Variants in AP1B1 observed in about 807,000 individuals in gnomAD.
AP1B1 encodes the protein AP-1 complex subunit beta-1.
A neutral mutation model predicts 104.3 loss-of-function variants in AP1B1; 36 were observed. That is an observed-to-expected ratio of 0.35 (90% CI 0.26 to 0.46). AP1B1 has a LOEUF of 0.46. Ranked by LOEUF, AP1B1 falls within the 20% of genes least tolerant of loss-of-function variation. The pLI is 1.00. For missense variants in AP1B1, 901 were observed against 1,247.9 expected, an observed-to-expected ratio of 0.72 and a Z score of 4.19; for synonymous variants, 504 against 517.5, an observed-to-expected ratio of 0.97 and a Z score of 0.35.
At chr22:29,365,800 T>C (rs1366872970) in intron 2 of AP1B1, among the ~76,000 whole-genome samples, 1 of 150,546 alleles carries the variant, frequency 6.6e-6, no homozygotes, top group Non-Finnish European at 1.5e-5. Flanking sequence ...ACTCACTCCT[T>C]CCCCTTCCTA....
At chr22:29,343,588 TA>T (rs1010193679) in intron 11 of AP1B1, among the ~76,000 whole-genome samples, 2 of 152,206 alleles carry the variant, frequency 1.3e-5, no homozygotes, top group Admixed American at 6.5e-5. Context: ...CCCCCATCTG[TA>T]AAGGAGAGGT....
chr22:29,346,174 G>A (rs1278195831), intron 11 of AP1B1, among the ~76,000 whole-genome samples: 1 of 152,178 alleles, frequency 6.6e-6, no homozygotes, highest in African/African-American at 2.4e-5. Flanking sequence ...CAACAGGGAG[G>A]AGGAGCTTGG....
intron 5 of AP1B1, 35 bp from the exon 6 acceptor site, chr22:29,356,651 G>A: frequency 6.3e-7 from 1 of 1,599,952 alleles, no homozygotes; most frequent in Non-Finnish European, 8.5e-7. Context: ...GAGGCTGGGG[G>A]TGCTGCTCAC....
chr22:29,334,470 A>G (rs2061608420), intron 16 of AP1B1, 60 bp from the exon 17 acceptor site: 1 of 1,530,804 alleles, frequency 6.5e-7, no homozygotes, highest in African/African-American at 1.4e-5. Context: ...CCCAAACTCA[A>G]CAGCCCACCT....
intron 16 of AP1B1, among the ~76,000 whole-genome samples, chr22:29,337,910 A>C (rs762126741): frequency 7.2e-5 from 11 of 152,302 alleles, no homozygotes; most frequent in Middle Eastern, 6.8e-3. Context: ...ATCTTTCTCA[A>C]GTGCAAATCA....
In AP1B1 at chr22:29,376,272, A is replaced by G. The variant is rs534451316; in HGVS notation, c.-27-9002T>C. Reference sequence around the variant, plus strand: ...GGCCTTTTCTAGTCTCCGGGCAATGATTCATGTCAGAGCAGCCCATGCTCT... The same window carrying G: ...GGCCTTTTCTAGTCTCCGGGCAATGGTTCATGTCAGAGCAGCCCATGCTCT... On this transcript the variant is annotated intron_variant, in intron 1 of 22. Coordinates refer to ENST00000357586, the MANE Select transcript of AP1B1 (RefSeq NM_001127.4). Among the ~76,000 whole-genome samples the G allele has an allele frequency of 1.1e-4, 16 of 152,286 alleles. No homozygotes were observed. The East Asian group carries it at 3.1e-3, about 29-fold the overall frequency.
Position 29,334,211 on chromosome 22 carries a change from G to C in AP1B1, c.2309+54C>G, listed in dbSNP as rs202035163. 5.3e-5 allele frequency: 80 copies of C among 1,515,670 alleles called. 1 individual carries two copies. The highest frequency in any genetic ancestry group is 2.0e-4 in the Admixed American group (9 of 44,728). 93.9% of individuals were successfully genotyped at this position (1,515,670 alleles called of 1,614,324 possible). On this transcript the variant is annotated intron_variant, in intron 17 of 22. Coordinates refer to ENST00000357586, the MANE Select transcript of AP1B1 (RefSeq NM_001127.4). ...CAGTCCCCAGAACAGACTCCGAGTG[G>C]GTTCTCTCACAGGCCTCCTCTTGAG...
At chr22:29,359,537 G>A in intron 4 of AP1B1, 1 of 342,256 alleles carries the variant, frequency 2.9e-6, no homozygotes, top group Non-Finnish European at 5.3e-6. Context: ...GGCACCTGCT[G>A]ATTCCTGCCC....
In AP1B1 at chr22:29,367,273, G is replaced by A. The variant is rs1302149718; in HGVS notation, c.-27-3C>T. 1.3e-6 allele frequency: 2 copies of A among 1,519,742 alleles called. No homozygotes were observed. Among genetic ancestry groups the A allele is most frequent in the African/African-American group, 1.4e-5 (1 of 69,612 alleles). 94.1% of individuals were successfully genotyped at this position (1,519,742 alleles called of 1,614,324 possible). A position where few individuals can be genotyped will look rare whatever the true frequency, so the allele number is the denominator to read the frequency against. ...GTCCCTTATCTGTAGCCAGGCTTCT[G>A]CAAGAGAGAGAAGAGAGGGGTGACT... is the stretch of plus-strand genomic sequence containing the variant. On this transcript the variant is annotated splice_polypyrimidine_tract_variant and splice_region_variant and intron_variant, in intron 1 of 22. Coordinates refer to ENST00000357586, the MANE Select transcript of AP1B1 (RefSeq NM_001127.4).
At chr22:29,369,576 T>A (rs1302852897) in intron 1 of AP1B1, among the ~76,000 whole-genome samples, 1 of 152,234 alleles carries the variant, frequency 6.6e-6, no homozygotes. Context: ...CTAAACTTGC[T>A]GGTCCTCCCA....
At chr22:29,367,568 G>T (rs1342991050) in intron 1 of AP1B1, among the ~76,000 whole-genome samples, 1 of 149,622 alleles carries the variant, frequency 6.7e-6, no homozygotes, top group Non-Finnish European at 1.5e-5. Context: ...CCAAAGTGCT[G>T]GGATTACAGG....
chr22:29,344,003 C>T (rs1449761625), intron 11 of AP1B1, among the ~76,000 whole-genome samples: 3 of 151,186 alleles, frequency 2.0e-5, no homozygotes, highest in South Asian at 2.1e-4. Context: ...CCCAGCTACT[C>T]GGAGGCTGAG....
intron 11 of AP1B1, among the ~76,000 whole-genome samples, chr22:29,343,109 T>C (rs541858064): frequency 1.3e-5 from 2 of 152,376 alleles, no homozygotes; most frequent in East Asian, 3.9e-4. Flanking sequence ...GTGCCTGGTG[T>C]ATAGCAGGCA....
At chr22:29,362,182 A>G (rs1254783057) in intron 3 of AP1B1, among the ~76,000 whole-genome samples, 2 of 152,178 alleles carry the variant, frequency 1.3e-5, no homozygotes. Context: ...GCCGCTCTAC[A>G]CACAACCGGC....
chr22:29,382,081 T>C (rs6006115), intron 1 of AP1B1, among the ~76,000 whole-genome samples: 56,520 of 151,732 alleles, frequency 0.37, 11,443 homozygotes, highest in East Asian at 0.67. Flanking sequence ...TAGAGACAGA[T>C]AGTCTTGCTC....
intron 3 of AP1B1, among the ~76,000 whole-genome samples, chr22:29,362,248 A>G (rs2062060510): frequency 6.6e-6 from 1 of 152,232 alleles, no homozygotes; most frequent in Non-Finnish European, 1.5e-5. Flanking sequence ...GAGAAATCCA[A>G]TCTGCACGTG....
In AP1B1 at chr22:29,341,601, A is replaced by G. The variant is rs756098869; in HGVS notation, c.1696T>C (p.Tyr566His). The G allele has an allele frequency of 3.1e-6, 5 of 1,614,130 alleles. No homozygotes were observed. In the East Asian group the frequency reaches 6.7e-5, roughly 22 times the overall value. Residue 566 changes from tyrosine (Y) to histidine (H), a missense_variant, in exon 13 of 23, where the codon TAC becomes CAC. Transcript: ENST00000357586. ...TAGACGGAAGCCAGCGTGCCGATGT[A>G]GCAGATAAGCTCGTCTAACAGTGTG... ...EPTLLDELIC[Y>H]IGTLASVYHK...
At position 29,388,520 on chromosome 22, in the gene AP1B1, T is replaced by A. The variant is rs1330988479; in HGVS notation, c.-124A>T. On this transcript the variant is annotated 5_prime_UTR_variant, in exon 1 of 23. Transcript: ENST00000357586. ...TCTCGCTCTCCCGGTGCGTCCGGGC[T>A]GCCGGCGGCTCGGAGCCCCGCGGCT... is the stretch of plus-strand genomic sequence containing the variant. 2 of 152,094 alleles carry A rather than the reference T, an allele frequency of 1.3e-5. No individual in the cohort carries two copies. Among genetic ancestry groups the A allele is most frequent in the Non-Finnish European group, 2.9e-5 (2 of 68,018 alleles). The allele number at this position is 152,094 out of a possible 1,614,324, so 9.4% of individuals were successfully genotyped here.
intron 2 of AP1B1, among the ~76,000 whole-genome samples, chr22:29,364,785 C>T (rs1420146192): frequency 6.6e-6 from 1 of 151,402 alleles, no homozygotes; most frequent in African/African-American, 2.4e-5. Flanking sequence ...CTCGGCTCAC[C>T]GCAACTTCCG....
Sources: allele counts gnomAD v4.1 joint callset (sites outside exome capture counted in the v4.1 genomes callset), GRCh38; gene constraint gnomAD v4.1.1; transcripts MANE v1.5; gene names NCBI Gene and HGNC (gene_info 2026-07-23, HGNC 2026-07-21).